GSDMD: variants seen among roughly 807,000 people sequenced by gnomAD.
The protein encoded by GSDMD is gasdermin D.
Under a neutral mutation model 46.7 loss-of-function variants are expected in GSDMD, and 46 were observed. The observed-to-expected ratio is 0.99, with a 90% CI of 0.78 to 1.26. The LOEUF (loss-of-function observed/expected upper bound fraction) is 1.26. Among genes scored for constraint, GSDMD ranks in the 50% most tolerant of loss-of-function variants. GSDMD has a pLI of 0.00. For synonymous variants in GSDMD, 307 were observed against 283.1 expected (o/e 1.08, Z -0.85); for missense variants, 649 against 638.8 (o/e 1.02, Z -0.17).
Position 143,560,612 on chromosome 8 carries a change from G to A in GSDMD, c.420G>A (p.Arg140=). Residue 140 remains arginine (R), a synonymous_variant, in exon 4 of 11, where the codon CGG becomes CGA. Coordinates refer to ENST00000262580, the MANE Select transcript of GSDMD (RefSeq NM_024736.7). ...TGCTCCTCGGACACAGGCACCTGCG[G>A]CAGCCAGAACACAAAGTCCTGCAGC... ...WQTLLHERHL[R]QPEHKVLQQL... The A allele has an allele frequency of 6.3e-7, 1 of 1,583,638 alleles. No individual in the cohort carries two copies. Among genetic ancestry groups the A allele is most frequent in the African/African-American group, 1.3e-5 (1 of 74,298 alleles).
intron 1 of GSDMD, 55 bp downstream of exon 1, chr8:143,558,506 G>A (rs920797968): frequency 7.2e-6 from 10 of 1,382,544 alleles, no homozygotes; most frequent in Admixed American, 3.3e-5. Context: ...GAGTGGGGCC[G>A]GCCGCTGGCT....
intron 1 of GSDMD, chr8:143,559,002 G>C: frequency 4.8e-6 from 2 of 413,240 alleles, no homozygotes; most frequent in Non-Finnish European, 8.9e-6. Context: ...CCACGCTCAG[G>C]AGGTGACAGC....
rs1451128623 is a variant in GSDMD, at chr8:143,562,105, C to A, written c.970C>A (p.Leu324Met). 1.3e-6 allele frequency: 2 copies of A among 1,597,048 alleles called. No homozygotes were observed. The highest frequency in any genetic ancestry group is 1.1e-5 in the South Asian group (1 of 90,458). Reference sequence around the variant, plus strand: ...CCTGGAGGGGGTGCTGCGGGACCAGCTGGCCCTGCGAGCCTTGGAGGAGGC... The same window carrying A: ...CCTGGAGGGGGTGCTGCGGGACCAGATGGCCCTGCGAGCCTTGGAGGAGGC... ...EGLEGVLRDQ[L>M]ALRALEEALE... Residue 324 changes from leucine to methionine, a missense_variant, in exon 8 of 11, where the codon CTG becomes ATG. Physicochemically the swap from Leu to Met is conservative, Grantham distance 15. Coordinates refer to ENST00000262580, the MANE Select transcript of GSDMD (RefSeq NM_024736.7).
intron 1 of GSDMD, 47 bp downstream of exon 1, chr8:143,558,498 G>C: frequency 7.1e-7 from 1 of 1,408,908 alleles, no homozygotes. Flanking sequence ...GAGCTCCCGA[G>C]TGGGGCCGGC....
At position 143,558,375 on chromosome 8, in the gene GSDMD, C is replaced by T; in HGVS notation, c.-81C>T. ...TTTCACTTTTAGCTCTGGGCACCTC[C>T]AGCTCCTGCTCGCCGGACGGCTCCC... On this transcript the variant is annotated 5_prime_UTR_variant, in exon 1 of 11. Transcript: ENST00000262580. 2 of 1,520,096 alleles carry T rather than the reference C, an allele frequency of 1.3e-6. No individual in the cohort carries two copies. Among genetic ancestry groups the T allele is most frequent in the Non-Finnish European group, 1.8e-6 (2 of 1,140,440 alleles). The allele number at this position is 1,520,096 out of a possible 1,614,324, so 94.2% of individuals were successfully genotyped here. A position where few individuals can be genotyped will look rare whatever the true frequency, so the allele number is the denominator to read the frequency against.
Position 143,560,674 on chromosome 8 carries a change from C to T in GSDMD, c.482C>T (p.Thr161Ile). The T allele has an allele frequency of 1.3e-6, 2 of 1,588,740 alleles. No homozygotes were observed. The highest frequency in any genetic ancestry group is 2.3e-5 in the East Asian group (1 of 43,544). The stretch of plus-strand genomic sequence containing the variant: ...CGCGGGGACAACGTGTACGTGGTGA[C>T]TGAGGTGCTGCAGACACAGAAGGAG... ...RSRGDNVYVVTEVLQTQKEVE... is the reference protein window; with the variant it reads ...RSRGDNVYVVIEVLQTQKEVE... The change falls in exon 4 of 11, where the codon ACT (threonine) becomes ATT (isoleucine). Residue 161 changes from threonine to isoleucine, a missense_variant. Physicochemically the swap from Thr to Ile is moderately conservative, Grantham distance 89 (BLOSUM62 -1). Transcript: ENST00000262580.
At chr8:143,554,197 A>G (rs1469765100), upstream of GSDMD, among the ~76,000 whole-genome samples, 19 of 152,250 alleles carry the variant, frequency 1.2e-4, no homozygotes, top group Admixed American at 1.2e-3. Context: ...CCGGCTGCGC[A>G]CCGTGACCTG....
chr8:143,558,266 A>C, upstream of GSDMD: 1 of 1,418,424 alleles, frequency 7.1e-7, no homozygotes, highest in Non-Finnish European at 9.3e-7. Context: ...GCTGGCGGGA[A>C]GAGGGGGCAG....
In GSDMD at chr8:143,562,868, G is replaced by A; in HGVS notation, c.1419G>A (p.Leu473=). 1 of 1,612,360 alleles carries A rather than the reference G, an allele frequency of 6.2e-7. No individual in the cohort carries two copies. The highest frequency in any genetic ancestry group is 2.2e-5 in the East Asian group (1 of 44,880). The change falls in exon 11 of 11, where the codon CTG becomes CTA. Residue 473 remains leucine, a synonymous_variant. Transcript: ENST00000262580. ...QGRMCALYAS[L]ALLSGLSQEP... is the part of the protein sequence containing the mutation. ...GCATGTGTGCACTCTACGCCTCCCTGGCACTGCTATCAGGACTGAGCCAGG... is the reference window on the plus strand; with the variant it reads ...GCATGTGTGCACTCTACGCCTCCCTAGCACTGCTATCAGGACTGAGCCAGG...
At chr8:143,554,089 A>C (rs1189573258), upstream of GSDMD, among the ~76,000 whole-genome samples, 1 of 152,204 alleles carries the variant, frequency 6.6e-6, no homozygotes, top group Admixed American at 6.5e-5. Context: ...CTTTCCAGGA[A>C]TTTTGCTGCA....
At chr8:143,559,666 A>G in intron 2 of GSDMD, 111 bp from the exon 3 acceptor site, 2 of 1,442,486 alleles carry the variant, frequency 1.4e-6, no homozygotes, top group East Asian at 4.6e-5. Context: ...CCTCTCTTCC[A>G]GAGGCCGGGG....
At chr8:143,557,963 C>T (rs1392977407), upstream of GSDMD, 11 of 432,986 alleles carry the variant, frequency 2.5e-5, no homozygotes, top group Admixed American at 2.0e-4. Flanking sequence ...GGCATGATCT[C>T]GGCTCACTGC....
chr8:143,561,152 C>T, intron 5 of GSDMD, 48 bp downstream of exon 5: 1 of 1,539,106 alleles, frequency 6.5e-7, no homozygotes, highest in Non-Finnish European at 8.9e-7. Flanking sequence ...GGCAGAGAAA[C>T]AGGGAGGCCT....
chr8:143,560,574 C>T (rs866671348), intron 3 of GSDMD, 29 bp from the exon 4 acceptor site: 15 of 1,549,032 alleles, frequency 9.7e-6, no homozygotes, highest in Non-Finnish European at 1.2e-5. Context: ...GGCTGCGGCC[C>T]AGCGAGCTTT....
chr8:143,557,317 G>A (rs185477333), upstream of GSDMD, among the ~76,000 whole-genome samples: 39 of 33,398 alleles, frequency 1.2e-3, no homozygotes, highest in East Asian at 0.011. Flanking sequence ...CCGCTATGGC[G>A]AAGGATGCTG....
upstream of GSDMD, among the ~76,000 whole-genome samples, chr8:143,556,249 A>G (rs1022992853): frequency 6.4e-4 from 97 of 152,002 alleles, no homozygotes; most frequent in Non-Finnish European, 5.7e-4. Context: ...GTGTGGTGGT[A>G]CATGCCTGTA....
rs1167105647 is a variant in GSDMD at position 143,560,893 on chromosome 8, T to C, written c.580-109T>C. On this transcript the variant is annotated intron_variant, in intron 4 of 10. Transcript: ENST00000262580. ...AGCAGCTCCCAGCCCTGCGCTTGGC[T>C]GCGGAGCCGAAGTCACCTGGCGGCG... The C allele has an allele frequency of 2.1e-6, 3 of 1,430,522 alleles. No homozygotes were observed. The South Asian group carries it at 3.9e-5, about 19-fold the overall frequency. The allele number at this position is 1,430,522 out of a possible 1,614,324, so 88.6% of individuals were successfully genotyped here.
intron 6 of GSDMD, 39 bp from the exon 7 acceptor site, chr8:143,561,703 C>T (rs764557544): frequency 2.9e-5 from 44 of 1,521,472 alleles, no homozygotes; most frequent in Middle Eastern, 4.2e-4. Flanking sequence ...CACCCTTCCC[C>T]GGCACTGACC....
chr8:143,554,524 C>A (rs780764667), upstream of GSDMD, among the ~76,000 whole-genome samples: 1 of 151,240 alleles, frequency 6.6e-6, no homozygotes, highest in African/African-American at 2.4e-5. Context: ...TGTGTGCTCA[C>A]GTGCACAAAC....
Sources: gnomAD v4.1 joint callset for allele counts (sites outside exome capture counted in the v4.1 genomes callset) on GRCh38, gnomAD v4.1.1 for gene constraint, MANE v1.5 for transcripts, NCBI Gene and HGNC (gene_info 2026-07-23, HGNC 2026-07-21) for gene names.